The following ING3 variants were observed in gnomAD, a reference collection of about 807,000 sequenced individuals.
ING3 encodes inhibitor of growth family member 3.
Under a neutral mutation model 64.8 loss-of-function variants are expected in ING3, and 6 were observed. The observed-to-expected ratio is 0.09, with a 90% CI of 0.05 to 0.18. ING3 has a LOEUF of 0.18. Ranked by LOEUF, ING3 falls within the 10% of genes least tolerant of loss-of-function variation. The pLI is 1.00. For missense variants in ING3, 310 were observed against 489.7 expected, an observed-to-expected ratio of 0.63 and a Z score of 3.46; for synonymous variants, 170 against 173.7, an observed-to-expected ratio of 0.98 and a Z score of 0.17.
chr7:120,961,622 A>AT (rs1254377912), intron 4 of ING3, among the ~76,000 whole-genome samples: 2 of 152,186 alleles, frequency 1.3e-5, no homozygotes, highest in Non-Finnish European at 2.9e-5. Context: ...AGGATGAAGG[A>AT]TTTTTTGTTT....
rs1796112739 is a variant in ING3, at chr7:120,974,711, G to T, written c.1141-17G>T. 2.6e-6 allele frequency: 4 copies of T among 1,559,082 alleles called. No individual in the cohort carries two copies. The highest frequency in any genetic ancestry group is 3.5e-6 in the Non-Finnish European group (4 of 1,134,804). On this transcript the variant is annotated splice_polypyrimidine_tract_variant and intron_variant, in intron 11 of 11. Transcript: ENST00000315870. The stretch of plus-strand genomic sequence containing the variant: ...CAGAAGTACTGAAAACTTGTTTTTT[G>T]CAATTTTGCTTTCTAGTGCCCTATA...
rs1015963131 is a variant in ING3, at chr7:120,964,816, A to C, written c.342A>C (p.Gly114=). The change falls in exon 5 of 12, where the codon GGA becomes GGC. Residue 114 remains glycine, a synonymous_variant. Coordinates refer to ENST00000315870, the MANE Select transcript of ING3 (RefSeq NM_019071.3). ...TGGAGCTGGAAGCTGATAATGCTGG[A>C]ATTACAGAAATATTAGAGAGGCGTA... is the stretch of plus-strand genomic sequence containing the variant. ...FKMELEADNA[G]ITEILERRSL... 6.2e-7 allele frequency: 1 copy of C among 1,613,122 alleles called. No individual in the cohort carries two copies. Among genetic ancestry groups the C allele is most frequent in the African/African-American group, 1.3e-5 (1 of 74,904 alleles).
intron 6 of ING3, 69 bp from the exon 7 acceptor site, chr7:120,967,460 T>C (rs1796010781): frequency 8.8e-7 from 1 of 1,130,490 alleles, no homozygotes; most frequent in Non-Finnish European, 1.2e-6. Context: ...TTTAACTGGA[T>C]ATAAGTATTA....
intron 6 of ING3, 86 bp downstream of exon 6, chr7:120,966,783 C>A: frequency 1.1e-6 from 1 of 942,174 alleles, no homozygotes; most frequent in Non-Finnish European, 1.7e-6. Flanking sequence ...TAACTCTACA[C>A]AACCAATTGA....
intron 4 of ING3, among the ~76,000 whole-genome samples, chr7:120,962,699 C>T (rs12706299): frequency 0.019 from 2,894 of 152,074 alleles, 46 homozygotes; most frequent in Non-Finnish European, 0.027. Flanking sequence ...TACTGTTTGT[C>T]TTTCTGTCTC....
intron 1 of ING3, 97 bp from the exon 2 acceptor site, chr7:120,951,067 T>G: frequency 6.6e-7 from 1 of 1,521,198 alleles, no homozygotes; most frequent in Admixed American, 1.7e-5. Flanking sequence ...CGTTGTGGGC[T>G]GCCGGCCCCC....
At position 120,974,999 on chromosome 7, in the gene ING3, T is replaced by G; in HGVS notation, c.*155T>G. On this transcript the variant is annotated 3_prime_UTR_variant, in exon 12 of 12. Coordinates refer to ENST00000315870, the MANE Select transcript of ING3 (RefSeq NM_019071.3). ...TCCTATAAGATCTTGAACTTGAATT[T>G]TATGGGTTGTATTTTAATAATGTAA... is the stretch of plus-strand genomic sequence containing the variant. 2 of 464,502 alleles carry G rather than the reference T, an allele frequency of 4.3e-6. No individual in the cohort carries two copies. Among genetic ancestry groups the G allele is most frequent in the Non-Finnish European group, 7.8e-6 (2 of 256,456 alleles). 28.8% of individuals were successfully genotyped at this position (464,502 alleles called of 1,614,324 possible).
At position 120,973,235 on chromosome 7, in the gene ING3, A is replaced by G; in HGVS notation, c.1132A>G (p.Asn378Asp). 5 of 1,540,838 alleles carry G rather than the reference A, an allele frequency of 3.2e-6. No individual in the cohort carries two copies. The highest frequency in any genetic ancestry group is 4.5e-6 in the Non-Finnish European group (5 of 1,116,488). The change falls in exon 11 of 12, where the codon AAC (asparagine) becomes GAC (aspartate). Residue 378 changes from asparagine (N) to aspartate (D), a missense_variant. Physicochemically the swap from Asn to Asp is conservative, Grantham distance 23 (BLOSUM62 1). Coordinates refer to ENST00000315870, the MANE Select transcript of ING3 (RefSeq NM_019071.3). ...TTATGGTGAGATGGTGGGATGTGATAACCAAGATGTAAGTATTACATTTTT... is the reference window on the plus strand; with the variant it reads ...TTATGGTGAGATGGTGGGATGTGATGACCAAGATGTAAGTATTACATTTTT... ...VSYGEMVGCD[N>D]QDCPIEWFHY...
chr7:120,969,246 A>G (rs759722688), intron 9 of ING3, 42 bp downstream of exon 9: 3 of 1,473,626 alleles, frequency 2.0e-6, no homozygotes, highest in Non-Finnish European at 1.9e-6. Flanking sequence ...TTTACTGAAC[A>G]CTTGGTCTAC....
intron 10 of ING3, among the ~76,000 whole-genome samples, chr7:120,971,210 G>A (rs887585128): frequency 6.6e-6 from 1 of 152,174 alleles, no homozygotes; most frequent in Non-Finnish European, 1.5e-5. Context: ...CAGGTATGAA[G>A]GCTGGGAAGT....
chr7:120,951,035 T>G (rs1795753556), intron 1 of ING3, 111 bp downstream of exon 1: 3 of 1,516,050 alleles, frequency 2.0e-6, no homozygotes, highest in Non-Finnish European at 1.8e-6. Context: ...GGATGTTTCT[T>G]TCTCACGGTA....
intron 3 of ING3, among the ~76,000 whole-genome samples, chr7:120,955,093 C>G (rs182673641): frequency 4.6e-5 from 7 of 152,210 alleles, no homozygotes; most frequent in Admixed American, 3.9e-4. Context: ...TAATCCTATA[C>G]CATCCCCACC....
At chr7:120,971,139 T>G (rs942246807) in intron 10 of ING3, among the ~76,000 whole-genome samples, 9 of 152,182 alleles carry the variant, frequency 5.9e-5, no homozygotes, top group African/African-American at 2.2e-4. Context: ...ATGTGCACAT[T>G]GGCTGCCTTA....
intron 9 of ING3, among the ~76,000 whole-genome samples, chr7:120,969,801 G>A (rs1796043383): frequency 6.6e-6 from 1 of 151,952 alleles, no homozygotes; most frequent in Non-Finnish European, 1.5e-5. Flanking sequence ...CAAATGCTAG[G>A]CCAAAATAAT....
rs1333079657 is a variant in ING3, at chr7:120,950,778, C to T, written c.-119C>T. On this transcript the variant is annotated 5_prime_UTR_variant, in exon 1 of 12. Transcript: ENST00000315870. Reference sequence around the variant, plus strand: ...TTTTTTTTTCTTTTTTTTTTTTTGCCGGAGTCGAGCGGGTGCTGCTAGCGG... The same window carrying T: ...TTTTTTTTTCTTTTTTTTTTTTTGCTGGAGTCGAGCGGGTGCTGCTAGCGG... The T allele has an allele frequency of 1.7e-6, 1 of 589,164 alleles. No homozygotes were observed. Among genetic ancestry groups the T allele is most frequent in the Non-Finnish European group, 2.7e-6 (1 of 370,930 alleles). 36.5% of individuals were successfully genotyped at this position (589,164 alleles called of 1,614,324 possible).
At chr7:120,954,163 C>T (rs182496246) in intron 3 of ING3, among the ~76,000 whole-genome samples, 1 of 152,294 alleles carries the variant, frequency 6.6e-6, no homozygotes, top group Non-Finnish European at 1.5e-5. Context: ...TGGTGGCTCA[C>T]ACCCATAATC....
At chr7:120,973,180 A>G in intron 10 of ING3, 25 bp from the exon 11 acceptor site, 1 of 1,356,506 alleles carries the variant, frequency 7.4e-7, no homozygotes, top group South Asian at 1.2e-5. Flanking sequence ...AGTCATAATA[A>G]AGACATTTAA....
In ING3 at chr7:120,975,041, C is replaced by A; in HGVS notation, c.*197C>A. ...ATAATGTAAGTAAATTATTTATGCA[C>A]TCCTGGTGTGCTATGAATATTATTC... On this transcript the variant is annotated 3_prime_UTR_variant, in exon 12 of 12. Coordinates refer to ENST00000315870, the MANE Select transcript of ING3 (RefSeq NM_019071.3). The A allele has an allele frequency of 5.7e-6, 2 of 353,916 alleles. No homozygotes were observed. The highest frequency in any genetic ancestry group is 8.6e-5 in the Admixed American group (2 of 23,316). 21.9% of individuals were successfully genotyped at this position (353,916 alleles called of 1,614,324 possible).
chr7:120,959,177 A>G lies in ING3; in HGVS notation c.267+3553A>G, dbSNP rs1046287277. Among the ~76,000 whole-genome samples, 61 of 152,182 alleles carry G rather than the reference A, an allele frequency of 4.0e-4. 1 individual carries two copies. The highest frequency in any genetic ancestry group is 1.3e-3 in the African/African-American group (56 of 41,514). ...CCTCAGGGTTCTGTCCTTGACCTACATGGTTTCTTACTCTTCAAGTGGTTC... is the reference window on the plus strand; with the variant it reads ...CCTCAGGGTTCTGTCCTTGACCTACGTGGTTTCTTACTCTTCAAGTGGTTC... On this transcript the variant is annotated intron_variant, in intron 4 of 11. Transcript: ENST00000315870.
Sources: gnomAD v4.1 joint callset for allele counts (sites outside exome capture counted in the v4.1 genomes callset) on GRCh38, gnomAD v4.1.1 for gene constraint, MANE v1.5 for transcripts, NCBI Gene and HGNC (gene_info 2026-07-23, HGNC 2026-07-21) for gene names.